ZNF417: variants seen among roughly 807,000 people sequenced by gnomAD.
ZNF417 encodes zinc finger protein 417.
ZNF417 carries 5 observed loss-of-function variants against 7.4 expected under a neutral mutation model. That is an observed-to-expected ratio of 0.68 (90% CI 0.35 to 1.43). ZNF417 has a LOEUF of 1.43. Ranked by LOEUF, ZNF417 falls within the 40% of genes most tolerant of loss-of-function variation. ZNF417 has a pLI of 0.04. For synonymous variants in ZNF417, 147 were observed against 239.1 expected, an observed-to-expected ratio of 0.61 and a Z score of 3.55; for missense variants, 437 against 697.3, an observed-to-expected ratio of 0.63 and a Z score of 4.20.
chr19:57,910,179 A>G lies in ZNF417; in HGVS notation c.164-65T>C, dbSNP rs1018104896. 2.6e-6 allele frequency: 4 copies of G among 1,541,652 alleles called. No homozygotes were observed. The Admixed American group carries it at 6.5e-5, about 25-fold the overall frequency. On this transcript the variant is annotated intron_variant, in intron 2 of 2. Coordinates refer to ENST00000312026, the MANE Select transcript of ZNF417 (RefSeq NM_152475.3). ...TGACGGGAAGGCACAGCCCACCCAC[A>G]AGTACGTCTCACAAATTGAGGAATT... is the stretch of plus-strand genomic sequence containing the variant.
chr19:57,916,020 T>C (rs1450569267), intron 1 of ZNF417, among the ~76,000 whole-genome samples: 5 of 152,192 alleles, frequency 3.3e-5, no homozygotes, highest in Non-Finnish European at 5.9e-5. Flanking sequence ...GTCCCAACCC[T>C]TACCGCCAAA....
Position 57,909,403 on chromosome 19 carries a change from C to T in ZNF417, c.875G>A (p.Gly292Glu), listed in dbSNP as rs200803852. 1,099 of 1,614,060 alleles carry T rather than the reference C, an allele frequency of 6.8e-4. No homozygotes were observed. The highest frequency in any genetic ancestry group is 8.9e-4 in the Non-Finnish European group (1,046 of 1,180,034). Residue 292 changes from glycine (G) to glutamate (E), a missense_variant, in exon 3 of 3, where the codon GGA (glycine) becomes GAA (glutamate). Physicochemically the swap from Gly to Glu is moderately conservative, Grantham distance 98. Around this residue, in one of 5 missense-constraint regions of ZNF417, gnomAD observed 34 missense variants for 33.3 expected, o/e 1.02. Coordinates refer to ENST00000312026, the MANE Select transcript of ZNF417 (RefSeq NM_152475.3). ...CTCCTCACAGGGATAAGCTGTCTTT[C>T]CAGTGTGGACTCGCTGATGTTGAAT... is the stretch of plus-strand genomic sequence containing the variant. ...SLIQHQRVHT[G>E]KTAYPCEECG... is the part of the protein sequence containing the mutation.
Position 57,908,553 on chromosome 19 carries a change from T to A in ZNF417, c.1725A>T (p.Leu575Phe). 6.2e-7 allele frequency: 1 copy of A among 1,614,232 alleles called. No homozygotes were observed. The highest frequency in any genetic ancestry group is 8.5e-7 in the Non-Finnish European group (1 of 1,180,030). Reference protein sequence around the residue: ...HHQSSHRRKAL With the variant: ...HHQSSHRRKAF The stretch of plus-strand genomic sequence containing the variant: ...CGATTTCCCATATTCACTGCACTCA[T>A]AAGGCCTTTCTCCTGTGTGAACTCT... Residue 575 changes from leucine (L) to phenylalanine (F), a missense_variant, in exon 3 of 3, where the codon TTA becomes TTT. By Grantham distance (22) the Leu-to-Phe change is conservative. Transcript: ENST00000312026.
At chr19:57,915,587 C>T (rs2071940473) in intron 1 of ZNF417, 2 of 388,556 alleles carry the variant, frequency 5.1e-6, no homozygotes, top group Admixed American at 3.8e-5. Flanking sequence ...GTCTTGCTTC[C>T]AACCTTTCAG....
rs1001924668 is a variant in ZNF417, at chr19:57,908,261, G to A, written c.*289C>T. 2.6e-4 allele frequency: 122 copies of A among 465,718 alleles called. No individual in the cohort carries two copies. Among genetic ancestry groups the A allele is most frequent in the Non-Finnish European group, 3.8e-4 (97 of 257,990 alleles). 28.8% of individuals were successfully genotyped at this position (465,718 alleles called of 1,614,324 possible). On this transcript the variant is annotated 3_prime_UTR_variant, in exon 3 of 3. Transcript: ENST00000312026. ...GGTACTGAAAACCAAGTATTTGGCCGGGCATGGTGTGGTGTACTCGTAATC... is the reference window on the plus strand; with the variant it reads ...GGTACTGAAAACCAAGTATTTGGCCAGGCATGGTGTGGTGTACTCGTAATC...
intron 1 of ZNF417, among the ~76,000 whole-genome samples, chr19:57,914,625 A>C (rs1329716120): frequency 2.0e-5 from 3 of 151,774 alleles, no homozygotes; most frequent in Non-Finnish European, 2.9e-5. Context: ...CAGGAGCCTT[A>C]TCTCTGACAT....
chr19:57,912,432 G>C (rs779722358), intron 1 of ZNF417, among the ~76,000 whole-genome samples: 2 of 152,152 alleles, frequency 1.3e-5, no homozygotes, highest in African/African-American at 4.8e-5. Flanking sequence ...ATCCCCTTCT[G>C]AATAGCGATA....
At chr19:57,912,288 T>G in intron 1 of ZNF417, 99 bp from the exon 2 acceptor site, 6 of 1,564,748 alleles carry the variant, frequency 3.8e-6, no homozygotes, top group Non-Finnish European at 5.2e-6. Context: ...CCTCCCAAGG[T>G]CCCCAACATA....
chr19:57,915,707 C>G (rs1600150824), intron 1 of ZNF417: 1 of 401,880 alleles, frequency 2.5e-6, no homozygotes, highest in African/African-American at 2.1e-5. Flanking sequence ...AAAAGACCCC[C>G]TTCTTGCCTG....
chr19:57,910,387 A>G (rs1243525050), intron 2 of ZNF417, among the ~76,000 whole-genome samples: 1 of 151,750 alleles, frequency 6.6e-6, no homozygotes, highest in Non-Finnish European at 1.5e-5. Context: ...CTCTACTAAA[A>G]ATACAAAAAT....
intron 1 of ZNF417, among the ~76,000 whole-genome samples, chr19:57,913,391 T>C (rs1406756222): frequency 1.3e-5 from 2 of 152,160 alleles, no homozygotes; most frequent in South Asian, 2.1e-4. Flanking sequence ...TGGACCTATT[T>C]CACTTTTGTG....
chr19:57,908,555 A>G lies in ZNF417; in HGVS notation c.1723T>C (p.Leu575=). 6.2e-7 allele frequency: 1 copy of G among 1,614,140 alleles called. No homozygotes were observed. Among genetic ancestry groups the G allele is most frequent in the Non-Finnish European group, 8.5e-7 (1 of 1,180,008 alleles). ...ATTTCCCATATTCACTGCACTCATA[A>G]GGCCTTTCTCCTGTGTGAACTCTGA... ...HHQSSHRRKA[L] is the part of the protein sequence containing the mutation. Residue 575 remains leucine, a synonymous_variant, in exon 3 of 3, where the codon TTA becomes CTA. Transcript: ENST00000312026.
At chr19:57,916,358 C>T (rs770144765) in intron 1 of ZNF417, 21 bp downstream of exon 1, 7 of 1,614,168 alleles carry the variant, frequency 4.3e-6, no homozygotes, top group Admixed American at 1.7e-5. Flanking sequence ...GACCTGAGGG[C>T]ACAGAAGGCG....
rs2122507085 is a variant in ZNF417, at chr19:57,906,391, C to T, written c.*2159G>A. Among the ~76,000 whole-genome samples the T allele has an allele frequency of 6.6e-6, 1 of 152,140 alleles. No individual in the cohort carries two copies. The highest frequency in any genetic ancestry group is 2.1e-4 in the South Asian group (1 of 4,822). ...ACTGTTAACATCTGACTGTACCTTG[C>T]TATTTGTAACTTACAATCTTATTCA... On this transcript the variant is annotated 3_prime_UTR_variant, in exon 3 of 3. Coordinates refer to ENST00000312026, the MANE Select transcript of ZNF417 (RefSeq NM_152475.3).
At chr19:57,913,355 G>C (rs190910746) in intron 1 of ZNF417, among the ~76,000 whole-genome samples, 13 of 152,214 alleles carry the variant, frequency 8.5e-5, no homozygotes, top group African/African-American at 2.9e-4. Context: ...TAGCCACACA[G>C]AACCACATAT....
At chr19:57,912,259 A>C in intron 1 of ZNF417, 70 bp from the exon 2 acceptor site, 1 of 1,595,842 alleles carries the variant, frequency 6.3e-7, no homozygotes, top group Non-Finnish European at 8.5e-7. Context: ...TCTCCCACAC[A>C]CCCACACTTG....
rs371754047 is a variant in ZNF417 at position 57,912,046 on chromosome 19, C to T, written c.163+14G>A. The T allele has an allele frequency of 9.5e-5, 148 of 1,554,408 alleles. No individual in the cohort carries two copies. The highest frequency in any genetic ancestry group is 5.5e-4 in the African/African-American group (40 of 73,000). Reference sequence around the variant, plus strand: ...CACTAGCTCAGGTCACAAAGGTGAGCGTGAGCAACTTACCCAGCGAGGATA... The same window carrying T: ...CACTAGCTCAGGTCACAAAGGTGAGTGTGAGCAACTTACCCAGCGAGGATA... On this transcript the variant is annotated intron_variant, in intron 2 of 2. Coordinates refer to ENST00000312026, the MANE Select transcript of ZNF417 (RefSeq NM_152475.3).
rs2071844528 is a variant in ZNF417 at position 57,907,512 on chromosome 19, A to G, written c.*1038T>C. The G allele has an allele frequency of 6.5e-6, 1 of 154,860 alleles. No individual in the cohort carries two copies. Among genetic ancestry groups the G allele is most frequent in the Non-Finnish European group, 1.5e-5 (1 of 68,238 alleles). 9.6% of individuals were successfully genotyped at this position (154,860 alleles called of 1,614,324 possible). ...AGAGGAAACAAGAGAGATTCTAGGC[A>G]GCCCTCAGGGAAGCTGAGGAGGTGG... On this transcript the variant is annotated 3_prime_UTR_variant, in exon 3 of 3. Coordinates refer to ENST00000312026, the MANE Select transcript of ZNF417 (RefSeq NM_152475.3).
chr19:57,915,127 G>A (rs1032951932), intron 1 of ZNF417, among the ~76,000 whole-genome samples: 10 of 152,100 alleles, frequency 6.6e-5, no homozygotes, highest in Non-Finnish European at 8.8e-5. Flanking sequence ...GTAACCCTAC[G>A]GCTGGTTGTC....
Sources: gnomAD v4.1 joint callset for allele counts (sites outside exome capture counted in the v4.1 genomes callset) on GRCh38, gnomAD v4.1.1 for gene constraint, gnomAD v4.1.1 regional missense constraint, MANE v1.5 for transcripts, NCBI Gene and HGNC (gene_info 2026-07-23, HGNC 2026-07-21) for gene names.